DPF3: variants seen among roughly 807,000 people sequenced by gnomAD.
The protein encoded by DPF3 is zinc finger protein DPF3.
Under a neutral mutation model 56.8 loss-of-function variants are expected in DPF3, and 18 were observed. The ratio of observed to expected loss-of-function variants is 0.32; its 90% CI spans 0.22 to 0.47. DPF3 has a LOEUF of 0.47. Among genes scored for constraint, DPF3 ranks in the 20% least tolerant of loss-of-function variants. DPF3 has a pLI of 1.00. For missense variants in DPF3, 403 were observed against 488.8 expected (o/e 0.82, Z 1.65); for synonymous variants, 188 against 180.2 (o/e 1.04, Z -0.35).
intron 1 of DPF3, among the ~76,000 whole-genome samples, chr14:72,847,357 G>T (rs749727703): frequency 4.1e-4 from 62 of 152,280 alleles, no homozygotes; most frequent in Non-Finnish European, 4.7e-4. Flanking sequence ...TGAGGGCCAC[G>T]ACATATGTCT....
intron 1 of DPF3, among the ~76,000 whole-genome samples, chr14:72,851,606 T>C (rs2140084515): frequency 6.6e-6 from 1 of 152,344 alleles, no homozygotes; most frequent in Non-Finnish European, 1.5e-5. Flanking sequence ...CTACTCTTGC[T>C]CCTACACGGA....
intron 1 of DPF3, among the ~76,000 whole-genome samples, chr14:72,881,172 G>C (rs1204984770): frequency 6.6e-6 from 1 of 152,218 alleles, no homozygotes; most frequent in Non-Finnish European, 1.5e-5. Context: ...CAGGATGATA[G>C]ACCTCAAACT....
Position 72,768,481 on chromosome 14 carries a change from T to A in DPF3, c.193+3252A>T, listed in dbSNP as rs181565977. Among the ~76,000 whole-genome samples, 29 of 152,356 alleles carry A rather than the reference T, an allele frequency of 1.9e-4. No homozygotes were observed. The East Asian group carries it at 5.2e-3, about 27-fold the overall frequency. ...TGTGATAAAATGGCATAAAGCTACATATACACATTTTACCAATGTCAGTTT... is the reference window on the plus strand; with the variant it reads ...TGTGATAAAATGGCATAAAGCTACAAATACACATTTTACCAATGTCAGTTT... On this transcript the variant is annotated intron_variant, in intron 2 of 10. Transcript: ENST00000556509.
At chr14:72,701,104 C>T (rs1355062598) in intron 6 of DPF3, among the ~76,000 whole-genome samples, 1 of 152,230 alleles carries the variant, frequency 6.6e-6, no homozygotes, top group Admixed American at 6.5e-5. Context: ...TCAGCCTGAG[C>T]CCCAGGAGCG....
At chr14:72,862,432 T>C (rs1008355402) in intron 1 of DPF3, among the ~76,000 whole-genome samples, 6 of 152,080 alleles carry the variant, frequency 3.9e-5, no homozygotes, top group Non-Finnish European at 8.8e-5. Flanking sequence ...TCCCATCATC[T>C]CTACCTTCAA....
chr14:72,706,331 T>C (rs1888401935), intron 6 of DPF3, among the ~76,000 whole-genome samples: 1 of 152,196 alleles, frequency 6.6e-6, no homozygotes, highest in Non-Finnish European at 1.5e-5. Flanking sequence ...CTCCCTGCCC[T>C]GTTCCTTCAG....
At chr14:72,893,058 T>G (rs1886837636) in intron 1 of DPF3, among the ~76,000 whole-genome samples, 1 of 151,732 alleles carries the variant, frequency 6.6e-6, no homozygotes, top group African/African-American at 2.4e-5. Context: ...CAGGCAGAAA[T>G]TGGCTGTTGG....
chr14:72,828,454 C>T (rs1883909214), intron 1 of DPF3, among the ~76,000 whole-genome samples: 2 of 144,038 alleles, frequency 1.4e-5, no homozygotes, highest in Admixed American at 7.2e-5. Flanking sequence ...AAGAGGATCG[C>T]TTGAGCCTGG....
chr14:72,798,279 A>G (rs1192794936), intron 1 of DPF3, among the ~76,000 whole-genome samples: 2 of 147,762 alleles, frequency 1.4e-5, no homozygotes, highest in East Asian at 3.9e-4. Context: ...AAAAAAAAAA[A>G]AAAAGATTCT....
chr14:72,719,270 G>A (rs34910617), intron 5 of DPF3, among the ~76,000 whole-genome samples: 1 of 150,572 alleles, frequency 6.6e-6, no homozygotes, highest in African/African-American at 2.5e-5. Flanking sequence ...CATGTTGCCC[G>A]CAGGCTGGTC....
intron 9 of DPF3, among the ~76,000 whole-genome samples, chr14:72,621,783 C>T (rs985051753): frequency 7.9e-5 from 12 of 152,160 alleles, no homozygotes; most frequent in Non-Finnish European, 1.3e-4. Flanking sequence ...ATTTAAGCAT[C>T]ATTGATTAGA....
At chr14:72,803,292 T>C (rs1390074283) in intron 1 of DPF3, among the ~76,000 whole-genome samples, 1 of 152,034 alleles carries the variant, frequency 6.6e-6, no homozygotes, top group African/African-American at 2.4e-5. Context: ...GGCATGGAGG[T>C]AGTCATCCCA....
intron 6 of DPF3, among the ~76,000 whole-genome samples, chr14:72,698,038 A>G (rs190926493): frequency 2.1e-3 from 315 of 152,190 alleles, no homozygotes; most frequent in African/African-American, 6.9e-3. Flanking sequence ...CCCCATCCCC[A>G]ATTTGCCTGA....
In DPF3 at chr14:72,814,757, C is replaced by T. The variant is rs1883210460; in HGVS notation, c.33-42864G>A. Among the ~76,000 whole-genome samples the T allele has an allele frequency of 2.0e-5, 3 of 151,852 alleles. 1 individual carries two copies. In the South Asian group the frequency reaches 6.2e-4, roughly 32 times the overall value. On this transcript the variant is annotated intron_variant, in intron 1 of 10. Transcript: ENST00000556509. ...CCGGGAAGGCAGATGTTGCAGTGAG[C>T]CGAGATCGCGCCACTGCACTCCAGC...
intron 1 of DPF3, among the ~76,000 whole-genome samples, chr14:72,856,597 A>G (rs1360608437): frequency 1.3e-5 from 2 of 152,198 alleles, no homozygotes; most frequent in East Asian, 3.9e-4. Flanking sequence ...ACAGGAGATA[A>G]TATTTTGAAA....
intron 1 of DPF3, among the ~76,000 whole-genome samples, chr14:72,830,851 C>T (rs1466666296): frequency 6.6e-6 from 1 of 152,214 alleles, no homozygotes; most frequent in East Asian, 1.9e-4. Flanking sequence ...AAACCCGACA[C>T]ATCTGAGTCC....
In DPF3 at chr14:72,624,563, G is replaced by T. The variant is rs144757228; in HGVS notation, c.985-4579C>A. Reference sequence around the variant, plus strand: ...CAAGTTGGCCAGGCTGTTCTCCAGCGCCTGACCTCAGGTAATCCGCCCGCC... The same window carrying T: ...CAAGTTGGCCAGGCTGTTCTCCAGCTCCTGACCTCAGGTAATCCGCCCGCC... On this transcript the variant is annotated intron_variant, in intron 9 of 10. Coordinates refer to ENST00000556509, the MANE Select transcript of DPF3 (RefSeq NM_001280542.3). 6.8e-3 allele frequency among the ~76,000 whole-genome samples: 1,031 copies of T among 152,032 alleles called. 13 individuals carry two copies. The highest frequency in any genetic ancestry group is 0.024 in the African/African-American group (982 of 41,460).
At position 72,711,082 on chromosome 14, in the gene DPF3, T is replaced by G. The variant is rs4544184; in HGVS notation, c.604+3341A>C. Among the ~76,000 whole-genome samples the G allele has an allele frequency of 9.3e-3, 1,414 of 152,326 alleles. 28 individuals are homozygous for G. The highest frequency in any genetic ancestry group is 0.033 in the African/African-American group (1,358 of 41,566). ...CACACAGGACCACTATATTCAGGAATGCATTCCAGGAAGGGTTAAATAAAT... is the reference window on the plus strand; with the variant it reads ...CACACAGGACCACTATATTCAGGAAGGCATTCCAGGAAGGGTTAAATAAAT... On this transcript the variant is annotated intron_variant, in intron 6 of 10. Transcript: ENST00000556509.
rs569719646 is a variant in DPF3 at position 72,805,258 on chromosome 14, G to A, written c.33-33365C>T. On this transcript the variant is annotated intron_variant, in intron 1 of 10. Coordinates refer to ENST00000556509, the MANE Select transcript of DPF3 (RefSeq NM_001280542.3). ...GGGCGAGGTGGGCAGATCACCTGAGGTCGGGAGTTTGAGACCAGCCTGACC... is the reference window on the plus strand; with the variant it reads ...GGGCGAGGTGGGCAGATCACCTGAGATCGGGAGTTTGAGACCAGCCTGACC... Among the ~76,000 whole-genome samples, 14 of 152,122 alleles carry A rather than the reference G, an allele frequency of 9.2e-5. No individual in the cohort carries two copies. The South Asian group carries it at 2.9e-3, about 32-fold the overall frequency.
Sources: allele counts gnomAD v4.1 joint callset (sites outside exome capture counted in the v4.1 genomes callset), GRCh38; gene constraint gnomAD v4.1.1; transcripts MANE v1.5; gene names NCBI Gene and HGNC (gene_info 2026-07-23, HGNC 2026-07-21).